The following LMO7 variants were observed in gnomAD, a reference collection of about 807,000 sequenced individuals.
The protein encoded by LMO7 is LIM domain 7.
LMO7 carries 120 observed loss-of-function variants against 206.5 expected under a neutral mutation model. The ratio of observed to expected loss-of-function variants is 0.58; its 90% CI spans 0.50 to 0.68. The LOEUF (loss-of-function observed/expected upper bound fraction) is 0.68. LMO7 is among the 30% of genes least tolerant of loss of function. LMO7 has a pLI of 0.00. For missense variants in LMO7, 1,959 were observed against 1,957.9 expected, an observed-to-expected ratio of 1.00 and a Z score of -0.01; for synonymous variants, 706 against 681.5, an observed-to-expected ratio of 1.04 and a Z score of -0.56.
intron 1 of LMO7, among the ~76,000 whole-genome samples, chr13:75,650,191 G>A (rs1414931182): frequency 2.6e-5 from 4 of 151,686 alleles, no homozygotes; most frequent in African/African-American, 4.8e-5. Flanking sequence ...GTGCAGTGGC[G>A]TGAGCTAGGC....
intron 4 of LMO7, among the ~76,000 whole-genome samples, chr13:75,786,881 C>G (rs1002964825): frequency 1.3e-5 from 2 of 152,128 alleles, no homozygotes; most frequent in African/African-American, 4.8e-5. Flanking sequence ...AAACCAAAGC[C>G]TACTATTTTC....
intron 1 of LMO7, among the ~76,000 whole-genome samples, chr13:75,648,539 A>G (rs1004729885): frequency 1.3e-5 from 2 of 152,166 alleles, no homozygotes; most frequent in Non-Finnish European, 2.9e-5. Flanking sequence ...CTGTTGTGCT[A>G]TTGGCTGTTC....
intron 26 of LMO7, among the ~76,000 whole-genome samples, chr13:75,846,156 A>AT (rs1302951387): frequency 6.6e-6 from 1 of 152,064 alleles, no homozygotes; most frequent in South Asian, 2.1e-4. Flanking sequence ...CTGACAAGAG[A>AT]TTTTTTTAAA....
intron 2 of LMO7, among the ~76,000 whole-genome samples, chr13:75,716,213 T>TGG (rs1188923870): frequency 6.6e-6 from 1 of 152,198 alleles, no homozygotes; most frequent in East Asian, 1.9e-4. Flanking sequence ...GAACTGGTGT[T>TGG]CTGAAATATC....
chr13:75,728,748 T>G (rs1233943487), intron 3 of LMO7, among the ~76,000 whole-genome samples: 2 of 135,398 alleles, frequency 1.5e-5, no homozygotes, highest in Non-Finnish European at 3.1e-5. Flanking sequence ...CTAGGGTTTT[T>G]ATGGTTTTAG....
chr13:75,772,580 G>A (rs529859894), intron 4 of LMO7, among the ~76,000 whole-genome samples: 53 of 152,148 alleles, frequency 3.5e-4, no homozygotes, highest in African/African-American at 1.2e-3. Context: ...AGTAAATGGT[G>A]CAAATGGAAA....
chr13:75,833,086 G>A lies in LMO7; in HGVS notation c.2985G>A (p.Gln995=), dbSNP rs2058815180. The A allele has an allele frequency of 1.2e-6, 2 of 1,611,070 alleles. No individual in the cohort carries two copies. Among genetic ancestry groups the A allele is most frequent in the South Asian group, 2.2e-5 (2 of 91,038 alleles). The part of the protein sequence containing the change: ...QFSDMRISIN[Q]TPGKSLDFGF... The stretch of plus-strand genomic sequence containing the variant: ...GTGATATGAGAATCAGCATAAACCA[G>A]ACGCCTGGGAAGAGTCTTGACTTTG... The change falls in exon 16 of 31, where the codon CAG becomes CAA. Residue 995 remains glutamine (Q), a synonymous_variant. Coordinates refer to ENST00000377534, the MANE Select transcript of LMO7 (RefSeq NM_001306080.2).
At chr13:75,776,204 T>TATATATATATATATATATAA (rs1440052148) in intron 4 of LMO7, among the ~76,000 whole-genome samples, 1 of 120,652 alleles carries the variant, frequency 8.3e-6, no homozygotes, top group African/African-American at 3.0e-5. Flanking sequence ...TATATATATA[T>TATATATATATATATATATAA]AACGTTAAGT....
chr13:75,642,582 GAC>G (rs534038023), intron 1 of LMO7, among the ~76,000 whole-genome samples: 147 of 152,110 alleles, frequency 9.7e-4, no homozygotes, highest in African/African-American at 3.4e-3. Flanking sequence ...CAGCCTGGGT[GAC>G]AGAGTAAGAC....
intron 2 of LMO7, among the ~76,000 whole-genome samples, 184 bp downstream of exon 2, chr13:75,713,436 A>G (rs2043281729): frequency 6.6e-6 from 1 of 152,214 alleles, no homozygotes; most frequent in Non-Finnish European, 1.5e-5. Flanking sequence ...AGGGGTTATC[A>G]GTCTCTGTAT....
At chr13:75,695,734 G>T (rs182250457) in intron 1 of LMO7, among the ~76,000 whole-genome samples, 6 of 152,262 alleles carry the variant, frequency 3.9e-5, no homozygotes, top group Admixed American at 1.3e-4. Context: ...TGCAAATTTT[G>T]CCATGAAAAG....
chr13:75,741,676 C>G (rs1003062153), intron 3 of LMO7, among the ~76,000 whole-genome samples: 1 of 152,138 alleles, frequency 6.6e-6, no homozygotes, highest in East Asian at 1.9e-4. Flanking sequence ...TGATAAAATT[C>G]AACACTGCTT....
chr13:75,745,413 T>TATTTA (rs2046760557), intron 3 of LMO7, among the ~76,000 whole-genome samples: 1 of 152,144 alleles, frequency 6.6e-6, no homozygotes, highest in African/African-American at 2.4e-5. Context: ...GGTATGTGAG[T>TATTTA]TTTATCTCAA....
intron 1 of LMO7, among the ~76,000 whole-genome samples, chr13:75,659,636 C>T (rs2038386412): frequency 6.6e-6 from 1 of 152,136 alleles, no homozygotes; most frequent in Non-Finnish European, 1.5e-5. Flanking sequence ...GATTCAATTA[C>T]CTCCCCCTGG....
intron 2 of LMO7, among the ~76,000 whole-genome samples, chr13:75,718,520 G>A (rs987507605): frequency 6.6e-6 from 1 of 152,130 alleles, no homozygotes; most frequent in African/African-American, 2.4e-5. Context: ...GAAAAACTGA[G>A]GGGAAGGTAC....
At chr13:75,677,459 G>A (rs1001977995) in intron 1 of LMO7, among the ~76,000 whole-genome samples, 7 of 152,160 alleles carry the variant, frequency 4.6e-5, no homozygotes, top group African/African-American at 9.6e-5. Flanking sequence ...ACTTTTCTAC[G>A]TGTTTGGGAT....
intron 4 of LMO7, among the ~76,000 whole-genome samples, chr13:75,782,639 G>A (rs895576192): frequency 1.1e-4 from 17 of 152,156 alleles, no homozygotes; most frequent in Non-Finnish European, 2.1e-4. Flanking sequence ...TGAGTCTTAA[G>A]GGGCTAAAAA....
At chr13:75,651,897 A>G (rs1451118018) in intron 1 of LMO7, among the ~76,000 whole-genome samples, 1 of 152,124 alleles carries the variant, frequency 6.6e-6, no homozygotes, top group Non-Finnish European at 1.5e-5. Flanking sequence ...AAGCCCACCT[A>G]AATATTTCTA....
chr13:75,849,550 C>CA lies in LMO7; in HGVS notation c.4364+262dup, dbSNP rs145379008. On this transcript the variant is annotated intron_variant, in intron 27 of 30. Coordinates refer to ENST00000377534, the MANE Select transcript of LMO7 (RefSeq NM_001306080.2). ...TTGACTCAAGCAGGCAAGACGCTGA[C>CA]AAAATCACATGGTTAATAGATTGCA... Among the ~76,000 whole-genome samples the CA allele has an allele frequency of 2.4e-3, 366 of 149,476 alleles. 13 individuals carry two copies. The East Asian group carries it at 0.064, about 26-fold the overall frequency.
Sources: allele counts gnomAD v4.1 joint callset (sites outside exome capture counted in the v4.1 genomes callset), GRCh38; gene constraint gnomAD v4.1.1; transcripts MANE v1.5; gene names NCBI Gene and HGNC (gene_info 2026-07-23, HGNC 2026-07-21).